Variants in TPP2 observed in about 807,000 individuals in gnomAD.
TPP2 encodes the protein tripeptidyl peptidase 2.
A neutral mutation model predicts 155.9 loss-of-function variants in TPP2; 34 were observed. The observed-to-expected ratio is 0.22, with a 90% CI of 0.17 to 0.29. The LOEUF is 0.29. Among genes scored for constraint, TPP2 ranks in the 10% least tolerant of loss-of-function variants. The pLI is 1.00. For missense variants in TPP2, 1,028 were observed against 1,522.3 expected, an observed-to-expected ratio of 0.68 and a Z score of 5.40; for synonymous variants, 510 against 529.4, an observed-to-expected ratio of 0.96 and a Z score of 0.50.
chr13:102,629,034 T>C (rs1327155393), intron 8 of TPP2, among the ~76,000 whole-genome samples: 2 of 152,176 alleles, frequency 1.3e-5, no homozygotes, highest in Non-Finnish European at 2.9e-5. Context: ...CTAAGCAGGT[T>C]TCTTACACTT....
At chr13:102,643,417 T>G (rs776196430) in intron 17 of TPP2, 41 bp downstream of exon 17, 1 of 1,538,722 alleles carries the variant, frequency 6.5e-7, no homozygotes, top group Non-Finnish European at 8.7e-7. Flanking sequence ...ACAATTTATT[T>G]GCCTTTTTGG....
At chr13:102,666,511 C>G (rs1170302966) in intron 27 of TPP2, among the ~76,000 whole-genome samples, 1 of 152,118 alleles carries the variant, frequency 6.6e-6, no homozygotes, top group African/African-American at 2.4e-5. Flanking sequence ...AAAAGAATGG[C>G]CCATTTTGAG....
Position 102,604,819 on chromosome 13 carries a change from C to A in TPP2, c.192C>A (p.Ile64=), listed in dbSNP as rs376421521. The A allele has an allele frequency of 1.2e-6, 2 of 1,611,674 alleles. No individual in the cohort carries two copies. Among genetic ancestry groups the A allele is most frequent in the Admixed American group, 1.7e-5 (1 of 59,290 alleles). The change falls in exon 2 of 30, where the codon ATC becomes ATA. Residue 64 remains isoleucine, a synonymous_variant. Coordinates refer to ENST00000376052, the MANE Select transcript of TPP2 (RefSeq NM_001330588.2). ...TTACAACTGATGGAAAACCAAAAATCGTTGATATCATTGATACAACAGGAA... is the reference window on the plus strand; with the variant it reads ...TTACAACTGATGGAAAACCAAAAATAGTTGATATCATTGATACAACAGGAA... ...MQVTTDGKPK[I]VDIIDTTGSG... is the part of the protein sequence containing the mutation.
At chr13:102,668,820 T>C (rs35201214) in intron 27 of TPP2, among the ~76,000 whole-genome samples, 47,918 of 152,122 alleles carry the variant, frequency 0.31, 7,894 homozygotes, top group Non-Finnish European at 0.38. Context: ...ATGGTGTCTA[T>C]GTCCAGAGCA....
intron 24 of TPP2, among the ~76,000 whole-genome samples, chr13:102,655,287 A>AT (rs1174743687): frequency 6.6e-6 from 1 of 152,122 alleles, no homozygotes; most frequent in African/African-American, 2.4e-5. Context: ...TAAAAATCCT[A>AT]TTTGCGGGAG....
chr13:102,627,932 T>A lies in TPP2; in HGVS notation c.1016+8T>A, dbSNP rs1881754884. 1 of 1,609,216 alleles carries A rather than the reference T, an allele frequency of 6.2e-7. No homozygotes were observed. Among genetic ancestry groups the A allele is most frequent in the Non-Finnish European group, 8.5e-7 (1 of 1,176,642 alleles). ...TCACTGGCCAAATTCTGGGTGAGTGTTCCTTGACAGTTGTTTAGCCATAGA... is the reference window on the plus strand; with the variant it reads ...TCACTGGCCAAATTCTGGGTGAGTGATCCTTGACAGTTGTTTAGCCATAGA... On this transcript the variant is annotated splice_region_variant and intron_variant, in intron 8 of 29. Transcript: ENST00000376052.
Position 102,626,953 on chromosome 13 carries a change from T to C in TPP2, c.785-59T>C. ...CATGATTAATAATATGCAAATTGAA[T>C]TGAATAAACTTTCAGTCCATGAGAA... On this transcript the variant is annotated intron_variant, in intron 6 of 29. Coordinates refer to ENST00000376052, the MANE Select transcript of TPP2 (RefSeq NM_001330588.2). 4.9e-6 allele frequency: 7 copies of C among 1,419,358 alleles called. No individual in the cohort carries two copies. In the Middle Eastern group the frequency reaches 5.6e-4, roughly 114 times the overall value. 87.9% of individuals were successfully genotyped at this position (1,419,358 alleles called of 1,614,324 possible).
intron 2 of TPP2, 63 bp downstream of exon 2, chr13:102,604,984 G>A: frequency 6.3e-7 from 1 of 1,590,034 alleles, no homozygotes; most frequent in South Asian, 1.2e-5. Flanking sequence ...AGCATCTAAT[G>A]TTTTTACCTT....
In TPP2 at chr13:102,610,332, A is replaced by G. The variant is rs1053516352; in HGVS notation, c.295-3769A>G. Among the ~76,000 whole-genome samples, 13 of 151,778 alleles carry G rather than the reference A, an allele frequency of 8.6e-5. No homozygotes were observed. In the South Asian group the frequency reaches 1.7e-3, roughly 19 times the overall value. On this transcript the variant is annotated intron_variant, in intron 2 of 29. Transcript: ENST00000376052. ...CAACCTCCGTCTCCTGGGTTCCAGC[A>G]ATTTTCCTGCCTCAGCCTCCCAAGT...
intron 23 of TPP2, among the ~76,000 whole-genome samples, chr13:102,650,165 T>C (rs1156481165): frequency 1.3e-5 from 2 of 152,160 alleles, no homozygotes; most frequent in African/African-American, 4.8e-5. Flanking sequence ...ACAAATTTAT[T>C]ATGAGAATGA....
At chr13:102,598,799 ACT>A (rs1389516144) in intron 1 of TPP2, among the ~76,000 whole-genome samples, 2 of 152,126 alleles carry the variant, frequency 1.3e-5, no homozygotes, top group East Asian at 3.9e-4. Context: ...TTATTCTGTT[ACT>A]CTCTCTAAAG....
chr13:102,613,311 T>A (rs1039287910), intron 2 of TPP2, among the ~76,000 whole-genome samples: 9 of 152,188 alleles, frequency 5.9e-5, no homozygotes, highest in African/African-American at 2.2e-4. Context: ...GACATGGGGA[T>A]GAGTTAAAGG....
intron 25 of TPP2, among the ~76,000 whole-genome samples, chr13:102,658,750 C>G (rs1262892230): frequency 8.1e-6 from 1 of 123,354 alleles, no homozygotes; most frequent in African/African-American, 3.4e-5. Context: ...CCTTCAAGAG[C>G]TCCAGCTCCT....
At chr13:102,616,357 T>C (rs1177558952) in intron 3 of TPP2, 39 bp from the exon 4 acceptor site, 1 of 1,534,768 alleles carries the variant, frequency 6.5e-7, no homozygotes, top group Admixed American at 1.8e-5. Flanking sequence ...CCTGAGTATT[T>C]GTCAGCCTAA....
At chr13:102,640,212 A>G in intron 15 of TPP2, 58 bp from the exon 16 acceptor site, 1 of 1,262,114 alleles carries the variant, frequency 7.9e-7, no homozygotes, top group Non-Finnish European at 1.1e-6. Context: ...AATGAAATCT[A>G]GAGTATCTGT....
chr13:102,651,425 T>C (rs773608501), intron 24 of TPP2, 28 bp downstream of exon 24: 1 of 1,562,672 alleles, frequency 6.4e-7, no homozygotes, highest in Admixed American at 1.9e-5. Flanking sequence ...TTAAAAAAGA[T>C]GTCTTAAAGC....
At chr13:102,652,921 G>A (rs1297387639) in intron 24 of TPP2, among the ~76,000 whole-genome samples, 1 of 152,132 alleles carries the variant, frequency 6.6e-6, no homozygotes, top group African/African-American at 2.4e-5. Flanking sequence ...CTGCTTTAGA[G>A]AACAAGGAAT....
chr13:102,605,150 T>C (rs1269884599), intron 2 of TPP2, among the ~76,000 whole-genome samples: 2 of 149,612 alleles, frequency 1.3e-5, no homozygotes, highest in African/African-American at 5.0e-5. Context: ...AGGTTGCAAA[T>C]GGTTAGCCAT....
At chr13:102,628,325 A>G (rs1233786850) in intron 8 of TPP2, among the ~76,000 whole-genome samples, 1 of 152,134 alleles carries the variant, frequency 6.6e-6, no homozygotes, top group Non-Finnish European at 1.5e-5. Context: ...TAGATCTGAC[A>G]ATCTGTCTAT....
Sources: gnomAD v4.1 joint callset for allele counts (sites outside exome capture counted in the v4.1 genomes callset) on GRCh38, gnomAD v4.1.1 for gene constraint, MANE v1.5 for transcripts, NCBI Gene and HGNC (gene_info 2026-07-23, HGNC 2026-07-21) for gene names.